Variants in SEPTIN9 observed in about 807,000 individuals in gnomAD.
SEPTIN9 encodes septin-9.
In SEPTIN9, 13 loss-of-function variants were observed where a neutral mutation model predicts 56.6. The ratio of observed to expected loss-of-function variants is 0.23; its 90% confidence interval spans 0.15 to 0.37. The LOEUF (loss-of-function observed/expected upper bound fraction) is 0.37. SEPTIN9 is among the 10% of genes least tolerant of loss of function. The probability of loss-of-function intolerance (pLI) is 1.00; values close to 1 mark genes in which losing one functional copy is unlikely to be tolerated. For synonymous variants in SEPTIN9, 332 were observed against 334.1 expected (o/e 0.99, Z 0.07); for missense variants, 650 against 823.1 (o/e 0.79, Z 2.57).
chr17:77,498,229 C>T (rs2040355564), intron 11 of SEPTIN9, among the ~76,000 whole-genome samples: 1 of 151,966 alleles, frequency 6.6e-6, no homozygotes, highest in Admixed American at 6.5e-5. Context: ...TGTCCCTGGG[C>T]CCTGGACCCA....
At chr17:77,384,885 ACACT>A in intron 2 of SEPTIN9, among the ~76,000 whole-genome samples, 1 of 129,204 alleles carries the variant, frequency 7.7e-6, no homozygotes, top group South Asian at 2.4e-4. Flanking sequence ...ACACACACAC[ACACT>A]CCCCAGTAAA....
chr17:77,477,513 C>T (rs917426423), intron 3 of SEPTIN9, among the ~76,000 whole-genome samples: 3 of 152,188 alleles, frequency 2.0e-5, no homozygotes, highest in African/African-American at 7.2e-5. Context: ...TGACTCAGCA[C>T]GTTGGGTTTC....
rs1472498652 is a variant in SEPTIN9 at position 77,425,128 on chromosome 17, C to T, written c.721+22425C>T. 6.6e-6 allele frequency among the ~76,000 whole-genome samples: 1 copy of T among 152,216 alleles called. No homozygotes were observed. Among genetic ancestry groups the T allele is most frequent in the East Asian group, 1.9e-4 (1 of 5,196 alleles). On this transcript the variant is annotated intron_variant, in intron 3 of 11. Coordinates refer to ENST00000427177, the MANE Select transcript of SEPTIN9 (RefSeq NM_001113491.2). The surrounding 1 kb of genome is among the most constrained non-coding windows in gnomAD (Gnocchi z 4.2). ...CCCACCCCCGGGGCTGTTCCTGGCG[C>T]CCTGCCCTCCCCCAGAGCCCCACTG...
chr17:77,312,610 C>T (rs530060099), intron 2 of SEPTIN9, among the ~76,000 whole-genome samples: 4 of 152,234 alleles, frequency 2.6e-5, no homozygotes, highest in South Asian at 4.1e-4. Flanking sequence ...TTTCCTGGTG[C>T]GTGGCAGGCA....
At chr17:77,283,139 A>ACCCCAC (rs1438849973) in intron 1 of SEPTIN9, among the ~76,000 whole-genome samples, 1 of 141,536 alleles carries the variant, frequency 7.1e-6, no homozygotes. Flanking sequence ...ACACACACCT[A>ACCCCAC]CCCCACCCCT....
chr17:77,494,883 C>T (rs946096050), intron 10 of SEPTIN9, among the ~76,000 whole-genome samples: 2 of 152,334 alleles, frequency 1.3e-5, no homozygotes, highest in South Asian at 2.1e-4. Flanking sequence ...CCCTGCCGGG[C>T]CCACCCTGCG....
At position 77,310,892 on chromosome 17, in the gene SEPTIN9, C is replaced by T. The variant is rs1478738933; in HGVS notation, c.76+3695C>T. 6.6e-6 allele frequency among the ~76,000 whole-genome samples: 1 copy of T among 152,172 alleles called. No homozygotes were observed. The highest frequency in any genetic ancestry group is 2.4e-5 in the African/African-American group (1 of 41,438). ...CGCTAGGTCCTGCTCTTCCATCTTCCAATACCTCTGGGGTGTGTGGCCTTT... is the reference window on the plus strand; with the variant it reads ...CGCTAGGTCCTGCTCTTCCATCTTCTAATACCTCTGGGGTGTGTGGCCTTT... On this transcript the variant is annotated intron_variant, in intron 2 of 11. Coordinates refer to ENST00000427177, the MANE Select transcript of SEPTIN9 (RefSeq NM_001113491.2). The surrounding 1 kb of genome is among the most constrained non-coding windows in gnomAD (Gnocchi z 4.7).
At chr17:77,364,647 C>T (rs1343088069) in intron 2 of SEPTIN9, among the ~76,000 whole-genome samples, 2 of 152,330 alleles carry the variant, frequency 1.3e-5, no homozygotes, top group Non-Finnish European at 2.9e-5. Flanking sequence ...CACAGTTCTA[C>T]CCCTGAACAC....
At chr17:77,303,855 C>T (rs999894012) in intron 1 of SEPTIN9, among the ~76,000 whole-genome samples, 12 of 152,118 alleles carry the variant, frequency 7.9e-5, no homozygotes, top group Non-Finnish European at 1.8e-4. Context: ...AGTCATCTCC[C>T]AGGGCCCACA....
intron 3 of SEPTIN9, among the ~76,000 whole-genome samples, chr17:77,459,102 C>T (rs898591597): frequency 2.0e-5 from 3 of 152,236 alleles, no homozygotes; most frequent in Non-Finnish European, 4.4e-5. Context: ...GCTGAGCCTG[C>T]ACCTGCTCCT....
intron 2 of SEPTIN9, chr17:77,376,222 G>A (rs1296031000): frequency 1.0e-5 from 10 of 986,154 alleles, no homozygotes; most frequent in South Asian, 9.3e-5. Flanking sequence ...GGCATAAGGA[G>A]GGGCCTGCCT....
chr17:77,314,624 A>T (rs1598179580), intron 2 of SEPTIN9, among the ~76,000 whole-genome samples: 1 of 152,280 alleles, frequency 6.6e-6, no homozygotes, highest in Middle Eastern at 3.4e-3. Context: ...ATCAGAAAGC[A>T]TGCTTTCAGC....
At chr17:77,293,994 C>T (rs755111515) in intron 1 of SEPTIN9, among the ~76,000 whole-genome samples, 1 of 151,604 alleles carries the variant, frequency 6.6e-6, no homozygotes, top group Non-Finnish European at 1.5e-5. Flanking sequence ...GTCCCAGTTA[C>T]TTAGGAGGCT....
At chr17:77,312,230 G>C (rs987146779) in intron 2 of SEPTIN9, among the ~76,000 whole-genome samples, 13 of 152,092 alleles carry the variant, frequency 8.5e-5, no homozygotes, top group Admixed American at 2.0e-4. Flanking sequence ...TTCCCTCCCT[G>C]TGTGCTGGGG....
At chr17:77,307,853 A>G (rs1297779579) in intron 2 of SEPTIN9, among the ~76,000 whole-genome samples, 5 of 152,106 alleles carry the variant, frequency 3.3e-5, no homozygotes, top group Non-Finnish European at 7.4e-5. Flanking sequence ...TGGGCAAGGG[A>G]GTGGGACAGA....
intron 1 of SEPTIN9, among the ~76,000 whole-genome samples, chr17:77,298,041 G>GCAGGT (rs1004709982): frequency 1.3e-5 from 2 of 152,170 alleles, no homozygotes; most frequent in Non-Finnish European, 2.9e-5. Context: ...GGAGGGAGAC[G>GCAGGT]CAGGTCAAAG....
chr17:77,462,525 C>T (rs760262770), intron 3 of SEPTIN9, among the ~76,000 whole-genome samples: 1 of 152,260 alleles, frequency 6.6e-6, no homozygotes, highest in African/African-American at 2.4e-5. Flanking sequence ...CTCGAGCAAT[C>T]CTCCTGCCTT....
chr17:77,353,952 C>A (rs1172944234), intron 2 of SEPTIN9, among the ~76,000 whole-genome samples: 1 of 152,142 alleles, frequency 6.6e-6, no homozygotes, highest in Non-Finnish European at 1.5e-5. Context: ...CAGGTATAGT[C>A]CGTGAGACAG....
At chr17:77,373,301 C>T (rs1052711023) in intron 2 of SEPTIN9, 6 of 1,144,580 alleles carry the variant, frequency 5.2e-6, no homozygotes, top group Admixed American at 4.8e-5. Flanking sequence ...GGGGGCGCAG[C>T]GCGCGGGGAG....
Sources: allele counts gnomAD v4.1 joint callset (sites outside exome capture counted in the v4.1 genomes callset), GRCh38; gene constraint gnomAD v4.1.1; non-coding constraint Gnocchi (gnomAD v3.1); transcripts MANE v1.5; gene names NCBI Gene and HGNC (gene_info 2026-07-23, HGNC 2026-07-21).